Variants in TSPAN9 observed in about 807,000 individuals in gnomAD.
TSPAN9 encodes tetraspanin-9.
In TSPAN9, 16 loss-of-function variants were observed where a neutral mutation model predicts 31.0. The observed-to-expected ratio is 0.52, with a 90% CI of 0.35 to 0.78. The LOEUF (loss-of-function observed/expected upper bound fraction) is 0.78. TSPAN9 is among the 30% of genes least tolerant of loss of function. The pLI, the probability that TSPAN9 is intolerant of heterozygous loss-of-function variation, is 0.01. For synonymous variants in TSPAN9, 145 were observed against 121.6 expected, an observed-to-expected ratio of 1.19 and a Z score of -1.27; for missense variants, 272 against 312.5, an observed-to-expected ratio of 0.87 and a Z score of 0.98.
At chr12:3,160,317 G>T (rs2098344397) in intron 2 of TSPAN9, among the ~76,000 whole-genome samples, 3 of 152,172 alleles carry the variant, frequency 2.0e-5, no homozygotes, top group Admixed American at 1.3e-4. Flanking sequence ...CATTCCATGG[G>T]TATGCTACGT....
Position 3,107,616 on chromosome 12 carries a change from C to T in TSPAN9, c.-18+23897C>T, listed in dbSNP as rs1019693072. On this transcript the variant is annotated intron_variant, in intron 2 of 8. Coordinates refer to ENST00000011898, the MANE Select transcript of TSPAN9 (RefSeq NM_006675.5). The surrounding 1 kb of genome is among the most constrained non-coding windows in gnomAD (Gnocchi z 4.1). ...CCCTTTCTGTTTGGGGCACTGGCTT[C>T]GTGGTGGCCTCTTCCCTGTGGGACT... is the stretch of plus-strand genomic sequence containing the variant. Among the ~76,000 whole-genome samples, 4 of 152,184 alleles carry T rather than the reference C, an allele frequency of 2.6e-5. No individual in the cohort carries two copies. Among genetic ancestry groups the T allele is most frequent in the Non-Finnish European group, 5.9e-5 (4 of 68,046 alleles).
intron 2 of TSPAN9, among the ~76,000 whole-genome samples, chr12:3,191,379 C>A (rs1312689474): frequency 6.6e-6 from 1 of 152,164 alleles, no homozygotes; most frequent in Non-Finnish European, 1.5e-5. Flanking sequence ...TGGCTCTGCC[C>A]AGCTGCCCCC....
intron 2 of TSPAN9, among the ~76,000 whole-genome samples, chr12:3,140,356 C>T (rs891464169): frequency 1.9e-4 from 29 of 152,084 alleles, no homozygotes; most frequent in African/African-American, 4.8e-4. Flanking sequence ...GAACAAGATA[C>T]GGGCCAGTTT....
chr12:3,082,738 G>A (rs1447132325), intron 1 of TSPAN9, among the ~76,000 whole-genome samples: 1 of 152,126 alleles, frequency 6.6e-6, no homozygotes, highest in African/African-American at 2.4e-5. Flanking sequence ...GGATGAAGTT[G>A]AAGGGGGATT....
intron 3 of TSPAN9, among the ~76,000 whole-genome samples, chr12:3,222,706 T>C (rs1281899192): frequency 6.6e-6 from 1 of 152,184 alleles, no homozygotes; most frequent in Admixed American, 6.5e-5. Context: ...CTTTCTGCAG[T>C]GGTCCTCAAG....
Position 3,231,972 on chromosome 12 carries a change from T to A in TSPAN9, c.63+30716T>A, listed in dbSNP as rs1328933289. On this transcript the variant is annotated intron_variant, in intron 3 of 8. Transcript: ENST00000011898. ...CTGGAAGTACCCTGCTTATCCTGAT[T>A]GCAGCAGTACGGTTATTTGTGCCCT... Among the ~76,000 whole-genome samples the A allele has an allele frequency of 2.6e-5, 4 of 152,360 alleles. No homozygotes were observed. The Middle Eastern group carries it at 0.014, about 518-fold the overall frequency.
chr12:3,235,033 G>C (rs1284981703), intron 3 of TSPAN9, among the ~76,000 whole-genome samples: 1 of 148,990 alleles, frequency 6.7e-6, no homozygotes, highest in Non-Finnish European at 1.5e-5. Flanking sequence ...CGGGCGTGGT[G>C]GTGGGCGCCT....
chr12:3,217,793 C>A (rs571756088), intron 3 of TSPAN9, among the ~76,000 whole-genome samples: 99 of 151,944 alleles, frequency 6.5e-4, no homozygotes, highest in African/African-American at 2.3e-3. Context: ...GAAAGTGAGA[C>A]GTAATATGGG....
chr12:3,186,642 G>A (rs1413105544), intron 2 of TSPAN9, among the ~76,000 whole-genome samples: 1 of 152,042 alleles, frequency 6.6e-6, no homozygotes, highest in East Asian at 1.9e-4. Flanking sequence ...GCATTAGGGG[G>A]TTTTGCACAG....
chr12:3,145,371 G>A (rs767498095), intron 2 of TSPAN9, among the ~76,000 whole-genome samples: 7 of 152,138 alleles, frequency 4.6e-5, no homozygotes, highest in Non-Finnish European at 8.8e-5. Context: ...GTGTGAACTT[G>A]TTTTGACGTG....
chr12:3,090,317 C>T (rs1235008073), intron 2 of TSPAN9, among the ~76,000 whole-genome samples: 2 of 152,212 alleles, frequency 1.3e-5, no homozygotes, highest in Non-Finnish European at 2.9e-5. Context: ...AACACAAACA[C>T]CATTTTCTTT....
At chr12:3,211,349 G>A (rs566691956) in intron 3 of TSPAN9, among the ~76,000 whole-genome samples, 2 of 152,192 alleles carry the variant, frequency 1.3e-5, no homozygotes, top group African/African-American at 2.4e-5. Flanking sequence ...TCCTGATGCC[G>A]CACTGTCTTC....
At chr12:3,204,811 A>G (rs1188605397) in intron 3 of TSPAN9, among the ~76,000 whole-genome samples, 1 of 152,208 alleles carries the variant, frequency 6.6e-6, no homozygotes, top group African/African-American at 2.4e-5. Context: ...TCCAGTAAGC[A>G]CACTCACCCT....
In TSPAN9 at chr12:3,155,950, T is replaced by C. The variant is rs919917285; in HGVS notation, c.-17-45227T>C. Among the ~76,000 whole-genome samples the C allele has an allele frequency of 2.0e-5, 3 of 152,186 alleles. No individual in the cohort carries two copies. The East Asian group carries it at 5.8e-4, about 29-fold the overall frequency. On this transcript the variant is annotated intron_variant, in intron 2 of 8. Transcript: ENST00000011898. ...GAAAGGACTTGAAGACGTTGCTCCATGGTTTTCCCGGATGACAGCCATGAC... is the reference window on the plus strand; with the variant it reads ...GAAAGGACTTGAAGACGTTGCTCCACGGTTTTCCCGGATGACAGCCATGAC...
At chr12:3,157,929 C>T (rs541666303) in intron 2 of TSPAN9, among the ~76,000 whole-genome samples, 5 of 152,328 alleles carry the variant, frequency 3.3e-5, no homozygotes, top group South Asian at 2.1e-4. Flanking sequence ...TGAGCGAAAA[C>T]GCACCCGGGC....
chr12:3,209,503 G>C (rs1247899338), intron 3 of TSPAN9, among the ~76,000 whole-genome samples: 1 of 152,162 alleles, frequency 6.6e-6, no homozygotes, highest in Non-Finnish European at 1.5e-5. Flanking sequence ...ATCTGTGGTG[G>C]AGGACCATCT....
At chr12:3,162,951 T>C (rs59407422) in intron 2 of TSPAN9, among the ~76,000 whole-genome samples, 4,256 of 152,280 alleles carry the variant, frequency 0.028, 201 homozygotes, top group African/African-American at 0.097. Context: ...CGTCTTCTCC[T>C]TCCTCCCACT....
chr12:3,238,728 C>A (rs1279810788), intron 3 of TSPAN9, among the ~76,000 whole-genome samples: 1 of 152,208 alleles, frequency 6.6e-6, no homozygotes, highest in East Asian at 1.9e-4. Context: ...CCTACTGGGG[C>A]AGCAGGAAGG....
chr12:3,226,345 C>T (rs1240638215), intron 3 of TSPAN9, among the ~76,000 whole-genome samples: 3 of 151,964 alleles, frequency 2.0e-5, no homozygotes, highest in Non-Finnish European at 2.9e-5. Flanking sequence ...AGGGGACGAG[C>T]CTGGGTATTA....
Sources: gnomAD v4.1 joint callset for allele counts (sites outside exome capture counted in the v4.1 genomes callset) on GRCh38, gnomAD v4.1.1 for gene constraint, Gnocchi (gnomAD v3.1) non-coding constraint, MANE v1.5 for transcripts, NCBI Gene and HGNC (gene_info 2026-07-23, HGNC 2026-07-21) for gene names.